Variants in CIB2 observed in about 807,000 individuals in gnomAD.
The protein encoded by CIB2 is calcium and integrin binding family member 2.
Under a neutral mutation model 23.1 loss-of-function variants are expected in CIB2, and 19 were observed. The observed-to-expected ratio is 0.82, with a 90% CI of 0.57 to 1.21. CIB2 has a LOEUF of 1.21. Among genes scored for constraint, CIB2 ranks in the 50% most tolerant of loss-of-function variants. The pLI, the probability that CIB2 is intolerant of heterozygous loss-of-function variation, is 0.00. For missense variants in CIB2, 220 were observed against 241.5 expected (o/e 0.91, Z 0.59); for synonymous variants, 94 against 91.7 (o/e 1.03, Z -0.14).
intron 2 of CIB2, among the ~76,000 whole-genome samples, chr15:78,117,411 G>A (rs1218029238): frequency 6.6e-6 from 1 of 152,046 alleles, no homozygotes; most frequent in Admixed American, 6.6e-5. Context: ...AACAGACATT[G>A]GCATTTACAA....
intron 2 of CIB2, among the ~76,000 whole-genome samples, chr15:78,123,489 T>C (rs1327703590): frequency 6.6e-6 from 1 of 152,176 alleles, no homozygotes; most frequent in Non-Finnish European, 1.5e-5. Flanking sequence ...AGTAAGTAGA[T>C]GTTCATTCCC....
intron 2 of CIB2, among the ~76,000 whole-genome samples, chr15:78,121,181 T>G (rs1384358033): frequency 1.3e-5 from 2 of 152,120 alleles, no homozygotes; most frequent in Non-Finnish European, 2.9e-5. Flanking sequence ...GGCAGCAAAC[T>G]CCAGGTAGCT....
intron 2 of CIB2, among the ~76,000 whole-genome samples, chr15:78,114,260 C>T (rs746271534): frequency 8.5e-5 from 13 of 152,220 alleles, no homozygotes; most frequent in Non-Finnish European, 1.6e-4. Flanking sequence ...AGGCCAGCTT[C>T]TACCCTGGGA....
chr15:78,121,600 G>A (rs1012180641), intron 2 of CIB2, among the ~76,000 whole-genome samples: 6 of 152,164 alleles, frequency 3.9e-5, no homozygotes, highest in Non-Finnish European at 5.9e-5. Flanking sequence ...GAGTTCTCAC[G>A]AGATCTGATG....
intron 2 of CIB2, among the ~76,000 whole-genome samples, chr15:78,118,473 C>T (rs2074270926): frequency 6.6e-6 from 1 of 150,968 alleles, no homozygotes; most frequent in Admixed American, 6.6e-5. Flanking sequence ...CCTATAACCC[C>T]AGCTACTCAG....
intron 4 of CIB2, among the ~76,000 whole-genome samples, chr15:78,106,853 A>G (rs1402997527): frequency 6.6e-6 from 1 of 152,134 alleles, no homozygotes; most frequent in Non-Finnish European, 1.5e-5. Flanking sequence ...CCATCATGTG[A>G]GCATTATATG....
chr15:78,125,593 G>A (rs1487645361), intron 1 of CIB2, among the ~76,000 whole-genome samples: 1 of 152,174 alleles, frequency 6.6e-6, no homozygotes, highest in African/African-American at 2.4e-5. Context: ...GTGGCTCCTG[G>A]ACCAGCAGCA....
intron 1 of CIB2, among the ~76,000 whole-genome samples, chr15:78,126,762 C>G (rs140539276): frequency 1.3e-5 from 2 of 152,322 alleles, no homozygotes; most frequent in Non-Finnish European, 2.9e-5. Flanking sequence ...TTAGTAACAC[C>G]TATTTCTTGG....
At chr15:78,110,550 AAATGCCTTCTT>A in intron 3 of CIB2, 1 of 419,916 alleles carries the variant, frequency 2.4e-6, no homozygotes, top group South Asian at 1.7e-5. Context: ...GTTGTGCCCC[AAATGCCTTCTT>A]AATGCTGAAT....
At chr15:78,106,785 G>A (rs2074077452) in intron 4 of CIB2, among the ~76,000 whole-genome samples, 1 of 152,028 alleles carries the variant, frequency 6.6e-6, no homozygotes, top group Admixed American at 6.5e-5. Context: ...CCTCTTCCCC[G>A]CAAATGAGCT....
chr15:78,116,464 CAA>C (rs1351635361), intron 2 of CIB2, among the ~76,000 whole-genome samples: 11 of 77,738 alleles, frequency 1.4e-4, no homozygotes, highest in African/African-American at 9.9e-5. Context: ...TCCTGCCTGA[CAA>C]AAAAAAAAAA....
chr15:78,105,599 C>A, intron 5 of CIB2, 140 bp downstream of exon 5: 1 of 1,530,934 alleles, frequency 6.5e-7, no homozygotes. Flanking sequence ...ACGTCTAGGG[C>A]AAGGGTGGCT....
chr15:78,131,383 G>T lies in CIB2; in HGVS notation c.-168C>A. 3.3e-6 allele frequency: 1 copy of T among 301,930 alleles called. No individual in the cohort carries two copies. The highest frequency in any genetic ancestry group is 5.2e-6 in the Non-Finnish European group (1 of 190,778). 18.7% of individuals were successfully genotyped at this position (301,930 alleles called of 1,614,324 possible). On this transcript the variant is annotated 5_prime_UTR_variant, in exon 1 of 6. Coordinates refer to ENST00000258930, the MANE Select transcript of CIB2 (RefSeq NM_006383.4). This position sits in a 1 kb window ranked among gnomAD's most constrained non-coding sequence, Gnocchi z 5.8. ...CGCAGCTCGCCTGGAGGAGGCGCGC[G>T]GGGGTCTCGGAGGCGGGGACGGGAA...
At chr15:78,123,274 G>T (rs2074342411) in intron 2 of CIB2, among the ~76,000 whole-genome samples, 1 of 152,138 alleles carries the variant, frequency 6.6e-6, no homozygotes, top group South Asian at 2.1e-4. Flanking sequence ...AACAGACAGG[G>T]ACTCCCTGCT....
chr15:78,126,008 G>T (rs933233615), intron 1 of CIB2, among the ~76,000 whole-genome samples: 1 of 152,132 alleles, frequency 6.6e-6, no homozygotes, highest in African/African-American at 2.4e-5. Context: ...GCCAATGGGG[G>T]TGGGCATTAT....
chr15:78,114,446 T>C (rs2074208438), intron 2 of CIB2, among the ~76,000 whole-genome samples: 1 of 152,194 alleles, frequency 6.6e-6, no homozygotes, highest in Non-Finnish European at 1.5e-5. Context: ...AAGAGTTATA[T>C]ATTAGTCCTA....
intron 4 of CIB2, among the ~76,000 whole-genome samples, chr15:78,106,271 TC>T (rs1397686750): frequency 1.3e-5 from 2 of 152,116 alleles, no homozygotes; most frequent in Non-Finnish European, 2.9e-5. Flanking sequence ...GACCCAGTGT[TC>T]CCTTTAGACT....
rs775524096 is a variant in CIB2 at position 78,109,241 on chromosome 15, T to A, written c.340A>T (p.Ile114Phe). 1 of 1,461,318 alleles carries A rather than the reference T, an allele frequency of 6.8e-7. No individual in the cohort carries two copies. The highest frequency in any genetic ancestry group is 1.9e-5 in the Admixed American group (1 of 53,686). 90.5% of individuals were successfully genotyped at this position (1,461,318 alleles called of 1,614,324 possible). ...CTCCTCTAGCCCTGGTTACCATAGATCTTGAAGGCATAGTTTGCCTTGAGC... is the reference window on the plus strand; with the variant it reads ...CTCCTCTAGCCCTGGTTACCATAGAACTTGAAGGCATAGTTTGCCTTGAGC... ...RELKANYAFK[I>F]YDFNTDNFIC... The change falls in exon 4 of 6, where the codon ATC becomes TTC. Residue 114 changes from isoleucine to phenylalanine, a missense_variant. Coordinates refer to ENST00000258930, the MANE Select transcript of CIB2 (RefSeq NM_006383.4).
At chr15:78,110,164 C>T (rs1221318458) in intron 3 of CIB2, among the ~76,000 whole-genome samples, 1 of 152,274 alleles carries the variant, frequency 6.6e-6, no homozygotes, top group Non-Finnish European at 1.5e-5. Flanking sequence ...TCCCAGGGAG[C>T]TGTACACGGA....
Sources: allele counts gnomAD v4.1 joint callset (sites outside exome capture counted in the v4.1 genomes callset), GRCh38; gene constraint gnomAD v4.1.1; non-coding constraint Gnocchi (gnomAD v3.1); transcripts MANE v1.5; gene names NCBI Gene and HGNC (gene_info 2026-07-23, HGNC 2026-07-21).